The following CDH13 variants were observed in gnomAD, a reference collection of about 807,000 sequenced individuals.
The protein encoded by CDH13 is cadherin 13, also known as cadherin-13.
CDH13 carries 24 observed loss-of-function variants against 63.8 expected under a neutral mutation model. The ratio of observed to expected loss-of-function variants is 0.38; its 90% CI spans 0.27 to 0.53. The LOEUF is 0.53. CDH13 is among the 20% of genes least tolerant of loss of function. CDH13 has a pLI of 0.85. For missense variants in CDH13, 1,049 were observed against 903.1 expected, an observed-to-expected ratio of 1.16 and a Z score of -2.07; for synonymous variants, 503 against 355.3, an observed-to-expected ratio of 1.42 and a Z score of -4.67.
intron 5 of CDH13, among the ~76,000 whole-genome samples, chr16:83,325,099 A>G (rs557954847): frequency 6.6e-6 from 1 of 152,170 alleles, no homozygotes; most frequent in African/African-American, 2.4e-5. Flanking sequence ...CGCAATCTAA[A>G]TGGGATCTCG....
At chr16:82,830,584 T>C (rs1261942642) in intron 1 of CDH13, among the ~76,000 whole-genome samples, 1 of 152,220 alleles carries the variant, frequency 6.6e-6, no homozygotes, top group African/African-American at 2.4e-5. Context: ...ATGTGCTCTC[T>C]TCTTTCCTCA....
chr16:82,833,281 T>G (rs1325938852), intron 1 of CDH13, among the ~76,000 whole-genome samples: 1 of 152,242 alleles, frequency 6.6e-6, no homozygotes, highest in Non-Finnish European at 1.5e-5. Context: ...GTGCTTCTTC[T>G]TTCATCCTTC....
At chr16:83,299,671 C>G (rs1386707428) in intron 5 of CDH13, among the ~76,000 whole-genome samples, 1 of 152,168 alleles carries the variant, frequency 6.6e-6, no homozygotes, top group Non-Finnish European at 1.5e-5. Context: ...GATACAGATT[C>G]ATGATAAAAA....
intron 5 of CDH13, among the ~76,000 whole-genome samples, chr16:83,233,596 G>A (rs1435932106): frequency 2.0e-5 from 3 of 152,048 alleles, no homozygotes; most frequent in African/African-American, 7.2e-5. Flanking sequence ...CAACTTTTGG[G>A]GGCCACCTGC....
At chr16:83,577,131 C>T (rs536200894) in intron 7 of CDH13, among the ~76,000 whole-genome samples, 48 of 152,272 alleles carry the variant, frequency 3.2e-4, no homozygotes, top group South Asian at 1.5e-3. Context: ...TGATTGGCTG[C>T]GGGCTTTCAC....
chr16:83,433,292 C>T (rs1314639806), intron 6 of CDH13, among the ~76,000 whole-genome samples: 1 of 152,196 alleles, frequency 6.6e-6, no homozygotes, highest in Admixed American at 6.5e-5. Flanking sequence ...GTTTCCTCAA[C>T]TGTAAAATGA....
chr16:82,896,803 C>T lies in CDH13; in HGVS notation c.157+38330C>T, dbSNP rs577480438. Among the ~76,000 whole-genome samples, 144 of 82,492 alleles carry T rather than the reference C, an allele frequency of 1.7e-3. 1 individual carries two copies. The highest frequency in any genetic ancestry group is 2.5e-3 in the Non-Finnish European group (120 of 47,680). The allele number at this position is 82,492 out of a possible 152,430, so 54.1% of individuals were successfully genotyped here. On this transcript the variant is annotated intron_variant, in intron 2 of 13. Transcript: ENST00000567109. ...TTTTTTTTTTTTTTTTTTTTTGAGA[C>T]GGAGTCTCACTTTGTCACCCAGGCT...
chr16:82,633,252 C>T (rs1439192945), intron 1 of CDH13, among the ~76,000 whole-genome samples: 1 of 152,216 alleles, frequency 6.6e-6, no homozygotes, highest in Non-Finnish European at 1.5e-5. Flanking sequence ...GTTGCTCCCT[C>T]ACGGTATAGA....
chr16:83,283,959 G>A (rs1008077076), intron 5 of CDH13, among the ~76,000 whole-genome samples: 6 of 152,152 alleles, frequency 3.9e-5, no homozygotes. Context: ...CTCAAAAACT[G>A]TTGAATAAAT....
intron 1 of CDH13, among the ~76,000 whole-genome samples, chr16:82,809,588 G>C (rs1271545712): frequency 1.3e-5 from 2 of 152,054 alleles, no homozygotes; most frequent in East Asian, 1.9e-4. Context: ...TCTTTCTTTG[G>C]ATTTGGTTTT....
At chr16:83,457,745 G>A (rs551362093) in intron 6 of CDH13, among the ~76,000 whole-genome samples, 24 of 152,178 alleles carry the variant, frequency 1.6e-4, no homozygotes, top group African/African-American at 5.1e-4. Context: ...AGGCCAGGCC[G>A]AGCCAAGCCA....
chr16:83,338,423 T>A (rs1239708565), intron 5 of CDH13, among the ~76,000 whole-genome samples: 2 of 152,220 alleles, frequency 1.3e-5, no homozygotes, highest in African/African-American at 4.8e-5. Flanking sequence ...GAGGGCTCTC[T>A]GCAGTCAATA....
At chr16:82,688,117 C>G (rs779246084) in intron 1 of CDH13, among the ~76,000 whole-genome samples, 50 of 152,220 alleles carry the variant, frequency 3.3e-4, no homozygotes, top group Admixed American at 9.2e-4. Flanking sequence ...GGTTTCTGTC[C>G]TGGAATCTCT....
intron 1 of CDH13, among the ~76,000 whole-genome samples, chr16:82,680,727 G>A (rs764279973): frequency 4.6e-5 from 7 of 152,208 alleles, no homozygotes; most frequent in Non-Finnish European, 8.8e-5. Context: ...GAAAACTAAC[G>A]AAGGAACTTT....
intron 7 of CDH13, among the ~76,000 whole-genome samples, chr16:83,498,952 A>G (rs1228046984): frequency 6.6e-6 from 1 of 152,118 alleles, no homozygotes; most frequent in African/African-American, 2.4e-5. Context: ...CCTTGGGGGG[A>G]AATGCAAATC....
chr16:83,398,653 T>G (rs2091923177), intron 6 of CDH13, among the ~76,000 whole-genome samples: 1 of 152,074 alleles, frequency 6.6e-6, no homozygotes, highest in African/African-American at 2.4e-5. Context: ...GGGCCTGAGA[T>G]TATGCTTTTT....
chr16:83,026,635 G>A (rs1414440578), intron 2 of CDH13, among the ~76,000 whole-genome samples: 1 of 152,162 alleles, frequency 6.6e-6, no homozygotes, highest in Admixed American at 6.5e-5. Flanking sequence ...CCTTAGGGGA[G>A]TAGATAATGA....
chr16:83,493,462 A>G (rs2074065258), intron 7 of CDH13, among the ~76,000 whole-genome samples: 1 of 152,258 alleles, frequency 6.6e-6, no homozygotes, highest in African/African-American at 2.4e-5. Context: ...CATTGGAGGT[A>G]AAGCAGATAT....
rs909436041 is a variant in CDH13, at chr16:82,741,237, G to A, written c.45+114100G>A. ...AGCTTTACAATAACCTTCACAGTGT[G>A]TGGTTTGTCTCTTCCATCATTCTGT... On this transcript the variant is annotated intron_variant, in intron 1 of 13. Transcript: ENST00000567109. Among the ~76,000 whole-genome samples, 5 of 152,320 alleles carry A rather than the reference G, an allele frequency of 3.3e-5. No individual in the cohort carries two copies. The East Asian group carries it at 5.8e-4, about 18-fold the overall frequency.
Sources: allele counts gnomAD v4.1 joint callset (sites outside exome capture counted in the v4.1 genomes callset), GRCh38; gene constraint gnomAD v4.1.1; transcripts MANE v1.5; gene names NCBI Gene and HGNC (gene_info 2026-07-23, HGNC 2026-07-21).